The following PARD6G variants were observed in gnomAD, a reference collection of about 807,000 sequenced individuals.
PARD6G encodes par-6 family cell polarity regulator gamma.
Under a neutral mutation model 10.7 loss-of-function variants are expected in PARD6G, and 7 were observed. That is an observed-to-expected ratio of 0.66 (90% CI 0.37 to 1.23). PARD6G has a LOEUF of 1.23. PARD6G is among the 50% of genes most tolerant of loss of function. The pLI is 0.02. For synonymous variants in PARD6G, 287 were observed against 269.4 expected (o/e 1.07, Z -0.64); for missense variants, 548 against 571.8 (o/e 0.96, Z 0.42).
intron 1 of PARD6G, among the ~76,000 whole-genome samples, chr18:80,237,719 T>G (rs955866665): frequency 9.2e-5 from 14 of 152,260 alleles, no homozygotes; most frequent in African/African-American, 2.6e-4. Flanking sequence ...AAGAAGACAT[T>G]TATGCAGCCA....
intron 2 of PARD6G, 147 bp from the exon 3 acceptor site, chr18:80,160,753 G>A: frequency 1.3e-6 from 1 of 798,450 alleles, no homozygotes; most frequent in Non-Finnish European, 1.7e-6. Context: ...AGGCTGAGCT[G>A]AAATCAGGCA....
chr18:80,225,581 A>G (rs1286771821), intron 1 of PARD6G, among the ~76,000 whole-genome samples: 2 of 152,198 alleles, frequency 1.3e-5, no homozygotes, highest in African/African-American at 2.4e-5. Flanking sequence ...TTTTCACAAA[A>G]AAGCAAAATT....
At chr18:80,166,643 G>A (rs1334824172) in intron 2 of PARD6G, among the ~76,000 whole-genome samples, 9 of 151,132 alleles carry the variant, frequency 6.0e-5, no homozygotes, top group Admixed American at 6.0e-4. Flanking sequence ...GACAAGCAGG[G>A]GAGGTACGTG....
chr18:80,211,412 A>G (rs1967106746), intron 1 of PARD6G, among the ~76,000 whole-genome samples: 1 of 152,198 alleles, frequency 6.6e-6, no homozygotes, highest in African/African-American at 2.4e-5. Context: ...GCAAAATAGT[A>G]AGTGTTGGCA....
At chr18:80,233,945 G>A (rs904672700) in intron 1 of PARD6G, among the ~76,000 whole-genome samples, 2 of 152,110 alleles carry the variant, frequency 1.3e-5, no homozygotes, top group South Asian at 2.1e-4. Flanking sequence ...GTGCTCTGAC[G>A]GCCCTCGAGA....
At chr18:80,194,561 C>T (rs1166200942) in intron 2 of PARD6G, among the ~76,000 whole-genome samples, 5 of 152,070 alleles carry the variant, frequency 3.3e-5, no homozygotes, top group East Asian at 1.9e-4. Flanking sequence ...GGTTCATAAA[C>T]GTCAACGTGC....
At chr18:80,208,733 T>C (rs898252734) in intron 1 of PARD6G, among the ~76,000 whole-genome samples, 1 of 151,828 alleles carries the variant, frequency 6.6e-6, no homozygotes, top group African/African-American at 2.4e-5. Context: ...CAAGACCTTG[T>C]TTATGTTAAA....
In PARD6G at chr18:80,204,819, C is replaced by T. The variant is rs117939842; in HGVS notation, c.73-1887G>A. On this transcript the variant is annotated intron_variant, in intron 1 of 2. Transcript: ENST00000353265. Reference sequence around the variant, plus strand: ...CCAAAAAATGAGCCAGGCATGGTGGCACACACCAGTAATCCCAGCAATCTC... The same window carrying T: ...CCAAAAAATGAGCCAGGCATGGTGGTACACACCAGTAATCCCAGCAATCTC... Among the ~76,000 whole-genome samples, 91 of 152,200 alleles carry T rather than the reference C, an allele frequency of 6.0e-4. 1 individual carries two copies. Among genetic ancestry groups the T allele is most frequent in the Non-Finnish European group, 1.0e-3 (69 of 68,022 alleles).
Position 80,186,147 on chromosome 18 carries a change from C to T in PARD6G, c.295+16563G>A, listed in dbSNP as rs1437223714. Reference sequence around the variant, plus strand: ...ACCCACACATGCGTATACCCTCACGCGGGCTTGCACACCCTCACGCACGCA... The same window carrying T: ...ACCCACACATGCGTATACCCTCACGTGGGCTTGCACACCCTCACGCACGCA... On this transcript the variant is annotated intron_variant, in intron 2 of 2. Coordinates refer to ENST00000353265, the MANE Select transcript of PARD6G (RefSeq NM_032510.4). 3.4e-5 allele frequency among the ~76,000 whole-genome samples: 5 copies of T among 145,668 alleles called. 1 individual carries two copies. The South Asian group carries it at 8.9e-4, about 26-fold the overall frequency.
In PARD6G at chr18:80,247,337, A is replaced by G; in HGVS notation, c.12T>C (p.Ser4=). 1 of 1,573,358 alleles carries G rather than the reference A, an allele frequency of 6.4e-7. No individual in the cohort carries two copies. The highest frequency in any genetic ancestry group is 1.7e-4 in the Middle Eastern group (1 of 5,908). The part of the protein sequence containing the change: MNR[S]FHKSQTLRFY... ...ATCGCAAGGTCTGAGACTTGTGAAA[A>G]CTTCGGTTCATGGTTTCGGCCCCGG... Residue 4 remains serine (S), a synonymous_variant, in exon 1 of 3, where the codon AGT becomes AGC. Coordinates refer to ENST00000353265, the MANE Select transcript of PARD6G (RefSeq NM_032510.4). The surrounding 1 kb of genome is among the most constrained non-coding windows in gnomAD (Gnocchi z 4.2).
Position 80,175,930 on chromosome 18 carries a change from T to C in PARD6G, c.296-15324A>G, listed in dbSNP as rs190511034. 394 of 167,344 alleles carry C rather than the reference T, an allele frequency of 2.4e-3. 2 individuals are homozygous for C. The South Asian group carries it at 0.026, about 11-fold the overall frequency. The allele number at this position is 167,344 out of a possible 1,614,324, so 10.4% of individuals were successfully genotyped here. Reference sequence around the variant, plus strand: ...CAAATGTCCACCAGCTCCAGTCACATTGGAGGTGAGTGCCTGCTGGGATGT... The same window carrying C: ...CAAATGTCCACCAGCTCCAGTCACACTGGAGGTGAGTGCCTGCTGGGATGT... On this transcript the variant is annotated intron_variant, in intron 2 of 2. Transcript: ENST00000353265. This position sits in a 1 kb window ranked among gnomAD's most constrained non-coding sequence, Gnocchi z 6.7.
At position 80,189,015 on chromosome 18, in the gene PARD6G, G is replaced by C. The variant is rs1167400180; in HGVS notation, c.295+13695C>G. On this transcript the variant is annotated intron_variant, in intron 2 of 2. Coordinates refer to ENST00000353265, the MANE Select transcript of PARD6G (RefSeq NM_032510.4). The surrounding 1 kb of genome is among the most constrained non-coding windows in gnomAD (Gnocchi z 5.5). ...AGCCCGGGGTTGCCTGACACTCTCT[G>C]GGGCAGAGAACCCAGTTCTAGGGGC... Among the ~76,000 whole-genome samples the C allele has an allele frequency of 6.6e-6, 1 of 152,174 alleles. No individual in the cohort carries two copies. The highest frequency in any genetic ancestry group is 1.5e-5 in the Non-Finnish European group (1 of 68,028).
rs374925269 is a variant in PARD6G at position 80,175,641 on chromosome 18, C to A, written c.296-15035G>T. ...ACACTGTTCCGTAATTGTTCTCTTG[C>A]TGAGTGTATCTGAGTCACGTTCTCT... On this transcript the variant is annotated intron_variant, in intron 2 of 2. Transcript: ENST00000353265. The surrounding 1 kb of genome is among the most constrained non-coding windows in gnomAD (Gnocchi z 6.7). Among the ~76,000 whole-genome samples the A allele has an allele frequency of 2.0e-5, 3 of 152,332 alleles. No individual in the cohort carries two copies. In the South Asian group the frequency reaches 6.2e-4, roughly 32 times the overall value.
In PARD6G at chr18:80,247,001, C is replaced by A. The variant is rs907294370; in HGVS notation, c.72+276G>T. 1.3e-5 allele frequency among the ~76,000 whole-genome samples: 2 copies of A among 152,152 alleles called. No homozygotes were observed. Among genetic ancestry groups the A allele is most frequent in the Admixed American group, 1.3e-4 (2 of 15,290 alleles). ...GCCTCTCACTCGTGGAACAAAAGAG[C>A]AGCTCCCGCGGAGCGGGTCCAGAGT... On this transcript the variant is annotated intron_variant, in intron 1 of 2. Coordinates refer to ENST00000353265, the MANE Select transcript of PARD6G (RefSeq NM_032510.4). This position sits in a 1 kb window ranked among gnomAD's most constrained non-coding sequence, Gnocchi z 4.2.
chr18:80,163,715 G>A lies in PARD6G; in HGVS notation c.296-3109C>T, dbSNP rs1056223738. ...GATACAGAGAAGGGCACAGCGGGCC[G>A]GGCCCCTCCTCGTAAGGGGCTTATA... On this transcript the variant is annotated intron_variant, in intron 2 of 2. Transcript: ENST00000353265. Among the ~76,000 whole-genome samples, 7 of 152,314 alleles carry A rather than the reference G, an allele frequency of 4.6e-5. No homozygotes were observed. The East Asian group carries it at 5.8e-4, about 13-fold the overall frequency.
At position 80,202,888 on chromosome 18, in the gene PARD6G, A is replaced by G; in HGVS notation, c.117T>C (p.Pro39=). Residue 39 remains proline, a synonymous_variant, in exon 2 of 3, where the codon CCT becomes CCC. Transcript: ENST00000353265. ...GCTTGTAGAAATCTTCAAACTTCCC[A>G]GGCTTATGACGGTCCAGAGAGAACC... is the stretch of plus-strand genomic sequence containing the variant. ...FRRFSLDRHK[P]GKFEDFYKLV... is the part of the protein sequence containing the mutation. 6.3e-7 allele frequency: 1 copy of G among 1,584,276 alleles called. No individual in the cohort carries two copies. The highest frequency in any genetic ancestry group is 8.6e-7 in the Non-Finnish European group (1 of 1,165,858).
chr18:80,234,578 C>T (rs898530217), intron 1 of PARD6G, among the ~76,000 whole-genome samples: 3 of 152,046 alleles, frequency 2.0e-5, no homozygotes, highest in Non-Finnish European at 2.9e-5. Flanking sequence ...AGATCAATGA[C>T]CGAGATCACC....
intron 1 of PARD6G, among the ~76,000 whole-genome samples, chr18:80,234,044 G>A (rs1480039017): frequency 6.6e-6 from 1 of 152,186 alleles, no homozygotes; most frequent in Non-Finnish European, 1.5e-5. Flanking sequence ...TGAAGGTGGA[G>A]TGGAAGCTCT....
At chr18:80,234,642 G>A (rs1022791419) in intron 1 of PARD6G, among the ~76,000 whole-genome samples, 12 of 152,052 alleles carry the variant, frequency 7.9e-5, no homozygotes, top group Admixed American at 2.0e-4. Context: ...GCATGGTGGT[G>A]TGCACCTGTA....
Sources: gnomAD v4.1 joint callset for allele counts (sites outside exome capture counted in the v4.1 genomes callset) on GRCh38, gnomAD v4.1.1 for gene constraint, Gnocchi (gnomAD v3.1) non-coding constraint, MANE v1.5 for transcripts, NCBI Gene and HGNC (gene_info 2026-07-23, HGNC 2026-07-21) for gene names.